The following UBE2E1 variants were observed in gnomAD, a reference collection of about 807,000 sequenced individuals.
UBE2E1 encodes the protein ubiquitin conjugating enzyme E2 E1.
A neutral mutation model predicts 21.4 loss-of-function variants in UBE2E1; 6 were observed. The ratio of observed to expected loss-of-function variants is 0.28; its 90% CI spans 0.15 to 0.55. The LOEUF (loss-of-function observed/expected upper bound fraction) is 0.55. Ranked by LOEUF, UBE2E1 falls within the 20% of genes least tolerant of loss-of-function variation. UBE2E1 has a pLI of 0.93. For synonymous variants in UBE2E1, 87 were observed against 82.7 expected (o/e 1.05, Z -0.28); for missense variants, 142 against 236.5 (o/e 0.60, Z 2.62).
At chr3:23,828,753 G>T (rs1479900205) in intron 3 of UBE2E1, among the ~76,000 whole-genome samples, 1 of 152,176 alleles carries the variant, frequency 6.6e-6, no homozygotes, top group Non-Finnish European at 1.5e-5. Flanking sequence ...ATAAAGGTTC[G>T]TTAATGACCT....
chr3:23,858,452 T>C (rs1464035767), intron 3 of UBE2E1, among the ~76,000 whole-genome samples: 1 of 152,150 alleles, frequency 6.6e-6, no homozygotes. Context: ...CCCGAGTAGC[T>C]GGGATTACAG....
intron 3 of UBE2E1, among the ~76,000 whole-genome samples, chr3:23,884,367 C>T (rs1407956989): frequency 6.6e-6 from 1 of 152,160 alleles, no homozygotes; most frequent in Non-Finnish European, 1.5e-5. Flanking sequence ...CAGTGGTTCC[C>T]AAATGCAAAC....
intron 3 of UBE2E1, among the ~76,000 whole-genome samples, chr3:23,830,708 C>G (rs1329495119): frequency 6.6e-6 from 1 of 152,146 alleles, no homozygotes; most frequent in East Asian, 1.9e-4. Flanking sequence ...TAAGAGTGGC[C>G]TTGTCAATGC....
chr3:23,872,260 G>GCACT (rs1415887017), intron 3 of UBE2E1, among the ~76,000 whole-genome samples: 1 of 152,088 alleles, frequency 6.6e-6, no homozygotes. Context: ...GCAATCACAG[G>GCACT]CACTCGGCAG....
At chr3:23,814,520 A>C (rs1194864585) in intron 3 of UBE2E1, among the ~76,000 whole-genome samples, 1 of 152,186 alleles carries the variant, frequency 6.6e-6, no homozygotes, top group Non-Finnish European at 1.5e-5. Context: ...ACACACACAC[A>C]AAATAGTTTC....
At position 23,852,538 on chromosome 3, in the gene UBE2E1, A is replaced by G. The variant is rs185614153; in HGVS notation, c.204-35029A>G. ...ATTTGAGTTTTCTCTCTACAAGATCATGTCATCTGCAAATACAGATCGTGT... is the reference window on the plus strand; with the variant it reads ...ATTTGAGTTTTCTCTCTACAAGATCGTGTCATCTGCAAATACAGATCGTGT... On this transcript the variant is annotated intron_variant, in intron 3 of 5. Coordinates refer to ENST00000306627, the MANE Select transcript of UBE2E1 (RefSeq NM_003341.5). 5.0e-4 allele frequency among the ~76,000 whole-genome samples: 76 copies of G among 152,350 alleles called. 1 individual carries two copies. The highest frequency in any genetic ancestry group is 1.8e-3 in the African/African-American group (74 of 41,582).
chr3:23,867,559 G>A (rs982145761), intron 3 of UBE2E1, among the ~76,000 whole-genome samples: 1 of 152,164 alleles, frequency 6.6e-6, no homozygotes, highest in Non-Finnish European at 1.5e-5. Context: ...ATTAAAGAAG[G>A]GAGAAAGAGC....
At position 23,816,426 on chromosome 3, in the gene UBE2E1, G is replaced by A. The variant is rs1157722098; in HGVS notation, c.203+4916G>A. On this transcript the variant is annotated intron_variant, in intron 3 of 5. Coordinates refer to ENST00000306627, the MANE Select transcript of UBE2E1 (RefSeq NM_003341.5). The surrounding 1 kb of genome is among the most constrained non-coding windows in gnomAD (Gnocchi z 4.8). The stretch of plus-strand genomic sequence containing the variant: ...TGAACCTTAATGTTATACTAAGTGG[G>A]CTGGGCGCAGTGGATTACGCTTGTA... 6.6e-6 allele frequency among the ~76,000 whole-genome samples: 1 copy of A among 152,202 alleles called. No homozygotes were observed. The highest frequency in any genetic ancestry group is 2.4e-5 in the African/African-American group (1 of 41,446).
chr3:23,860,275 A>C (rs1437474873), intron 3 of UBE2E1, among the ~76,000 whole-genome samples: 2 of 152,150 alleles, frequency 1.3e-5, no homozygotes, highest in Non-Finnish European at 2.9e-5. Flanking sequence ...TGCTCCTTTG[A>C]TGCTGGTGAC....
chr3:23,845,585 C>CTG (rs71620797), intron 3 of UBE2E1, among the ~76,000 whole-genome samples: 24 of 98,080 alleles, frequency 2.4e-4, no homozygotes, highest in African/African-American at 7.3e-4. Flanking sequence ...CTCTCTCTCT[C>CTG]TCTCTGTGTG....
chr3:23,858,462 G>A (rs1400416890), intron 3 of UBE2E1, among the ~76,000 whole-genome samples: 1 of 152,110 alleles, frequency 6.6e-6, no homozygotes. Flanking sequence ...TGGGATTACA[G>A]GCATGCACCA....
At chr3:23,848,006 C>A (rs1262145719) in intron 3 of UBE2E1, among the ~76,000 whole-genome samples, 1 of 152,106 alleles carries the variant, frequency 6.6e-6, no homozygotes, top group African/African-American at 2.4e-5. Context: ...TAAATAAACA[C>A]AAATGGTAAC....
chr3:23,850,891 G>A (rs893006008), intron 3 of UBE2E1, among the ~76,000 whole-genome samples: 1 of 141,986 alleles, frequency 7.0e-6, no homozygotes, highest in African/African-American at 2.6e-5. Flanking sequence ...GTTGCCCGTT[G>A]CCCAGATTGG....
intron 3 of UBE2E1, among the ~76,000 whole-genome samples, chr3:23,856,398 C>G (rs1367110296): frequency 6.6e-6 from 1 of 152,196 alleles, no homozygotes; most frequent in East Asian, 1.9e-4. Flanking sequence ...AAACAGATTT[C>G]AGGGAAGACA....
chr3:23,853,065 C>A lies in UBE2E1; in HGVS notation c.204-34502C>A, dbSNP rs113681827. On this transcript the variant is annotated intron_variant, in intron 3 of 5. Coordinates refer to ENST00000306627, the MANE Select transcript of UBE2E1 (RefSeq NM_003341.5). This position sits in a 1 kb window ranked among gnomAD's most constrained non-coding sequence, Gnocchi z 4.1. ...CCAAGTAGCTGGGATTACAGGCATG[C>A]GGCACCACACCCAGCTAATTTTATT... 6.6e-6 allele frequency among the ~76,000 whole-genome samples: 1 copy of A among 151,676 alleles called. No individual in the cohort carries two copies. Among genetic ancestry groups the A allele is most frequent in the Admixed American group, 6.6e-5 (1 of 15,246 alleles).
At chr3:23,875,163 G>A (rs1700889057) in intron 3 of UBE2E1, among the ~76,000 whole-genome samples, 1 of 152,142 alleles carries the variant, frequency 6.6e-6, no homozygotes, top group South Asian at 2.1e-4. Context: ...GTGCTGGACT[G>A]TCCCTAGAGC....
rs72627015 is a variant in UBE2E1, at chr3:23,841,165, A to G, written c.203+29655A>G. Among the ~76,000 whole-genome samples the G allele has an allele frequency of 3.6e-3, 541 of 152,324 alleles. 9 individuals carry two copies. In the East Asian group the frequency reaches 0.044, roughly 12 times the overall value. On this transcript the variant is annotated intron_variant, in intron 3 of 5. Coordinates refer to ENST00000306627, the MANE Select transcript of UBE2E1 (RefSeq NM_003341.5). ...AACTGTTTGAAAAGATTGAAAAGAT[A>G]TAAAGAGTTATTGGATTCTTTACAT...
rs1321042246 is a variant in UBE2E1 at position 23,887,291 on chromosome 3, C to T, written c.204-276C>T. Among the ~76,000 whole-genome samples the T allele has an allele frequency of 5.3e-5, 8 of 152,146 alleles. No individual in the cohort carries two copies. Among genetic ancestry groups the T allele is most frequent in the Non-Finnish European group, 8.8e-5 (6 of 68,032 alleles). On this transcript the variant is annotated intron_variant, in intron 3 of 5. Coordinates refer to ENST00000306627, the MANE Select transcript of UBE2E1 (RefSeq NM_003341.5). This position sits in a 1 kb window ranked among gnomAD's most constrained non-coding sequence, Gnocchi z 4.4. ...TTTAAGTATTGTTTACACTTTCCTA[C>T]GTGTCCAGGAGAGTTTTGAGAATTG...
At chr3:23,869,419 C>CTGTG (rs4024641) in intron 3 of UBE2E1, among the ~76,000 whole-genome samples, 82,639 of 132,350 alleles carry the variant, frequency 0.62, 25,791 homozygotes, top group Admixed American at 0.69. Context: ...TGGTCTTTTC[C>CTGTG]TGTGTGTGTG....
Sources: allele counts gnomAD v4.1 joint callset (sites outside exome capture counted in the v4.1 genomes callset), GRCh38; gene constraint gnomAD v4.1.1; non-coding constraint Gnocchi (gnomAD v3.1); transcripts MANE v1.5; gene names NCBI Gene and HGNC (gene_info 2026-07-23, HGNC 2026-07-21).